SYNPO2: variants seen among roughly 807,000 people sequenced by gnomAD.
SYNPO2 encodes synaptopodin-2.
In SYNPO2, 56 loss-of-function variants were observed where a neutral mutation model predicts 85.0. That is an observed-to-expected ratio of 0.66 (90% CI 0.53 to 0.82). The LOEUF (loss-of-function observed/expected upper bound fraction) is 0.82. Ranked by LOEUF, SYNPO2 falls within the 40% of genes least tolerant of loss-of-function variation. The probability of loss-of-function intolerance (pLI) is 0.00; values close to 1 mark genes in which losing one functional copy is unlikely to be tolerated. For synonymous variants in SYNPO2, 602 were observed against 591.1 expected (o/e 1.02, Z -0.27); for missense variants, 1,575 against 1,534.2 (o/e 1.03, Z -0.44).
chr4:119,031,675 A>T lies in SYNPO2; in HGVS notation c.2900A>T (p.His967Leu). The T allele has an allele frequency of 2.5e-6, 4 of 1,614,174 alleles. No homozygotes were observed. The highest frequency in any genetic ancestry group is 3.4e-6 in the Non-Finnish European group (4 of 1,180,018). ...CTCAATGCATTAGATGTCATGAAGC[A>T]CCAACCGTATCAGCTCAATGCATCC... Reference protein sequence around the residue: ...KPLNALDVMKHQPYQLNASLF... With the variant: ...KPLNALDVMKLQPYQLNASLF... The change falls in exon 4 of 5, where the codon CAC becomes CTC. Residue 967 changes from histidine (H) to leucine (L), a missense_variant. His to Leu is a moderately conservative substitution (Grantham distance 99). Around this residue, in one of 3 missense-constraint regions of SYNPO2, gnomAD observed 1,508 missense variants for 1,446.8 expected, o/e 1.04. Transcript: ENST00000307142.
intron 1 of SYNPO2, among the ~76,000 whole-genome samples, chr4:118,953,716 A>C (rs1734773560): frequency 1.3e-5 from 2 of 152,328 alleles, no homozygotes; most frequent in South Asian, 2.1e-4. Flanking sequence ...TATAACTGCA[A>C]AATCACAATG....
rs1731941228 is a variant in SYNPO2 at position 118,877,144 on chromosome 4, A to C, written c.12+26204A>C. ...ATGAATGAATGAACTATAAACTTAAAAGCACATAAATGTGTTTTCAGTTTG... is the reference window on the plus strand; with the variant it reads ...ATGAATGAATGAACTATAAACTTAACAGCACATAAATGTGTTTTCAGTTTG... On this transcript the variant is annotated intron_variant, in intron 1 of 4. Transcript: ENST00000610556. Among the ~76,000 whole-genome samples, 3 of 152,028 alleles carry C rather than the reference A, an allele frequency of 2.0e-5. No individual in the cohort carries two copies. The South Asian group carries it at 6.2e-4, about 32-fold the overall frequency.
At position 118,977,596 on chromosome 4, in the gene SYNPO2, T is replaced by C. The variant is rs74454994; in HGVS notation, c.106-45834T>C. 4.3e-4 allele frequency among the ~76,000 whole-genome samples: 65 copies of C among 152,340 alleles called. 1 individual carries two copies. The highest frequency in any genetic ancestry group is 2.1e-3 in the South Asian group (10 of 4,828). ...GCGAGGGCTCTGAGGACTGCCAGCA[T>C]GCTGTCACCTCTCAACTTGAGGAGA... On this transcript the variant is annotated intron_variant, in intron 1 of 4. Transcript: ENST00000307142.
chr4:118,977,230 C>T (rs894674454), intron 1 of SYNPO2, among the ~76,000 whole-genome samples: 9 of 152,328 alleles, frequency 5.9e-5, no homozygotes, highest in East Asian at 1.9e-4. Flanking sequence ...AGAAATCGAG[C>T]GCAGCGCCGG....
At chr4:118,860,985 C>A (rs192682050) in intron 1 of SYNPO2, among the ~76,000 whole-genome samples, 74 of 152,214 alleles carry the variant, frequency 4.9e-4, no homozygotes, top group African/African-American at 1.8e-3. Context: ...CATAGGTTGT[C>A]TCTTCACTTT....
At chr4:119,011,827 AGTT>A (rs533447742) in intron 1 of SYNPO2, among the ~76,000 whole-genome samples, 55 of 152,062 alleles carry the variant, frequency 3.6e-4, no homozygotes, top group African/African-American at 1.1e-3. Flanking sequence ...ACTAGCCAGT[AGTT>A]TGGAAGCTAA....
intron 4 of SYNPO2, chr4:119,037,961 A>G (rs1036959839): frequency 4.6e-5 from 10 of 215,722 alleles, no homozygotes; most frequent in African/African-American, 2.1e-4. Context: ...TGATTTCATT[A>G]TTCTTCAGAA....
chr4:118,914,060 A>G (rs1378431171), intron 1 of SYNPO2, among the ~76,000 whole-genome samples: 1 of 152,140 alleles, frequency 6.6e-6, no homozygotes, highest in Admixed American at 6.5e-5. Flanking sequence ...ACATAGACAA[A>G]TTAGAAGGAT....
At chr4:118,900,703 CTATATATATATATATATATATATATATA>C (rs373144800) in intron 1 of SYNPO2, among the ~76,000 whole-genome samples, 1 of 43,894 alleles carries the variant, frequency 2.3e-5, no homozygotes, top group Admixed American at 2.9e-4. Flanking sequence ...CTCTCTCTCT[CTATATATATATATATATATATATATATA>C]TGTCTGTCTG....
chr4:118,945,289 G>A (rs889209149), intron 1 of SYNPO2, among the ~76,000 whole-genome samples: 11 of 152,162 alleles, frequency 7.2e-5, no homozygotes, highest in African/African-American at 2.7e-4. Flanking sequence ...GATACAAGAT[G>A]TGTAATTATA....
At chr4:118,858,074 C>T (rs909343881) in intron 1 of SYNPO2, among the ~76,000 whole-genome samples, 4 of 152,160 alleles carry the variant, frequency 2.6e-5, no homozygotes, top group Non-Finnish European at 5.9e-5. Flanking sequence ...TTCCTTTCTT[C>T]CCTGCTGTAC....
At chr4:118,985,513 T>A (rs1053753127) in intron 1 of SYNPO2, among the ~76,000 whole-genome samples, 2 of 152,196 alleles carry the variant, frequency 1.3e-5, no homozygotes, top group African/African-American at 4.8e-5. Flanking sequence ...CAAGTGACTA[T>A]CCTCTGTGTT....
chr4:119,027,426 G>C lies in SYNPO2; in HGVS notation c.1057G>C (p.Ala353Pro), dbSNP rs1738015298. The C allele has an allele frequency of 6.3e-7, 1 of 1,594,970 alleles. No homozygotes were observed. Among genetic ancestry groups the C allele is most frequent in the Non-Finnish European group, 8.6e-7 (1 of 1,166,998 alleles). ...TCACAGCAGACCTCACAAGCACCGAGCGCGGCATGCACGTAAGTTCTGCCT... is the reference window on the plus strand; with the variant it reads ...TCACAGCAGACCTCACAAGCACCGACCGCGGCATGCACGTAAGTTCTGCCT... ...KDHSRPHKHR[A>P]RHARLRRSES... Residue 353 changes from alanine (A) to proline (P), a missense_variant, in exon 3 of 5, where the codon GCG becomes CCG. Ala to Pro is a conservative substitution (Grantham distance 27). Coordinates refer to ENST00000307142, the MANE Select transcript of SYNPO2 (RefSeq NM_133477.3).
chr4:118,861,162 G>A (rs561913270), intron 1 of SYNPO2, among the ~76,000 whole-genome samples: 1 of 151,762 alleles, frequency 6.6e-6, no homozygotes, highest in Non-Finnish European at 1.5e-5. Flanking sequence ...TTCATAGTCT[G>A]AGCTCTTAGT....
intron 1 of SYNPO2, among the ~76,000 whole-genome samples, chr4:118,933,531 TC>T (rs1270595260): frequency 6.6e-6 from 1 of 152,202 alleles, no homozygotes; most frequent in African/African-American, 2.4e-5. Context: ...TTTGTAGTTT[TC>T]ACTTTTTATT....
intron 1 of SYNPO2, among the ~76,000 whole-genome samples, chr4:118,864,527 G>A (rs1484495289): frequency 6.6e-6 from 1 of 152,222 alleles, no homozygotes; most frequent in African/African-American, 2.4e-5. Flanking sequence ...GTCTGATGCT[G>A]AAAGTAGGGT....
intron 1 of SYNPO2, among the ~76,000 whole-genome samples, chr4:118,876,411 C>T (rs1450986639): frequency 6.6e-6 from 1 of 152,164 alleles, no homozygotes; most frequent in African/African-American, 2.4e-5. Flanking sequence ...TGCCATATCA[C>T]CCTGCTTTAT....
intron 1 of SYNPO2, among the ~76,000 whole-genome samples, chr4:118,906,283 G>A (rs1238741370): frequency 6.6e-6 from 1 of 152,114 alleles, no homozygotes; most frequent in African/African-American, 2.4e-5. Context: ...TTGTACATGT[G>A]TGTGTTCAGA....
intron 1 of SYNPO2, among the ~76,000 whole-genome samples, chr4:118,933,873 A>G (rs969415114): frequency 6.9e-6 from 1 of 145,104 alleles, no homozygotes; most frequent in African/African-American, 2.5e-5. Flanking sequence ...AGGAGAAAAA[A>G]AGGATTGAGT....
Sources: allele counts gnomAD v4.1 joint callset (sites outside exome capture counted in the v4.1 genomes callset), GRCh38; gene constraint gnomAD v4.1.1; regional missense constraint gnomAD v4.1.1; transcripts MANE v1.5; gene names NCBI Gene and HGNC (gene_info 2026-07-23, HGNC 2026-07-21).